The following CORO2B variants were observed in gnomAD, a reference collection of about 807,000 sequenced individuals.
The protein encoded by CORO2B is coronin-2B.
CORO2B carries 26 observed loss-of-function variants against 58.8 expected under a neutral mutation model. The observed-to-expected ratio is 0.44, with a 90% CI of 0.32 to 0.61. The LOEUF is 0.61. Among genes scored for constraint, CORO2B ranks in the 20% least tolerant of loss-of-function variants. The pLI is 0.04. For synonymous variants in CORO2B, 242 were observed against 253.8 expected, an observed-to-expected ratio of 0.95 and a Z score of 0.44; for missense variants, 460 against 645.1, an observed-to-expected ratio of 0.71 and a Z score of 3.11.
the CORO2B span, among the ~76,000 whole-genome samples, chr15:68,545,621 TA>T: frequency 1.1e-5 from 1 of 89,066 alleles, no homozygotes; most frequent in African/African-American, 4.3e-5. Context: ...GCGGGGGGGG[TA>T]ATACTGGGCG....
At chr15:68,712,542 G>A (rs1047150050) in intron 5 of CORO2B, among the ~76,000 whole-genome samples, 2 of 152,060 alleles carry the variant, frequency 1.3e-5, no homozygotes, top group Non-Finnish European at 2.9e-5. Flanking sequence ...TTCTGACATC[G>A]GAAACAATCC....
intron 3 of CORO2B, 79 bp downstream of exon 3, chr15:68,695,335 C>T: frequency 1.0e-6 from 1 of 998,040 alleles, no homozygotes; most frequent in Non-Finnish European, 1.6e-6. Flanking sequence ...TTCCTACCCT[C>T]CCCTCCTCCA....
chr15:68,650,406 A>G (rs111560501), intron 2 of CORO2B, among the ~76,000 whole-genome samples: 2 of 129,968 alleles, frequency 1.5e-5, no homozygotes, highest in African/African-American at 3.1e-5. Context: ...AAAAAAAAAA[A>G]TGGAGACATT....
intron 1 of CORO2B, among the ~76,000 whole-genome samples, chr15:68,587,979 C>A (rs1899609491): frequency 6.6e-6 from 1 of 152,218 alleles, no homozygotes; most frequent in Non-Finnish European, 1.5e-5. Context: ...ACTGTGTGAC[C>A]TTGGGCTAGT....
the CORO2B span, among the ~76,000 whole-genome samples, chr15:68,528,760 G>A: frequency 6.7e-6 from 1 of 150,322 alleles, no homozygotes; most frequent in African/African-American, 2.5e-5. Context: ...AGTTCATCTG[G>A]GTCTGGACTA....
At chr15:68,621,238 A>G (rs1333452756) in intron 1 of CORO2B, among the ~76,000 whole-genome samples, 1 of 152,200 alleles carries the variant, frequency 6.6e-6, no homozygotes, top group Non-Finnish European at 1.5e-5. Context: ...GAATGGAGGC[A>G]CAGACAAATC....
chr15:68,689,217 G>T (rs537856458), intron 2 of CORO2B, among the ~76,000 whole-genome samples: 2 of 151,906 alleles, frequency 1.3e-5, no homozygotes, highest in South Asian at 4.2e-4. Flanking sequence ...CAAAGAATAG[G>T]TCTCTTCCTC....
intron 5 of CORO2B, among the ~76,000 whole-genome samples, chr15:68,712,588 A>G (rs1267581710): frequency 1.3e-5 from 2 of 152,202 alleles, no homozygotes; most frequent in Non-Finnish European, 2.9e-5. Context: ...AGCACTTCAG[A>G]TAAGGGCTAC....
intron 1 of CORO2B, among the ~76,000 whole-genome samples, chr15:68,580,832 G>A (rs1479897670): frequency 6.6e-6 from 1 of 152,136 alleles, no homozygotes; most frequent in Non-Finnish European, 1.5e-5. Context: ...CCTCCCCTGT[G>A]TCTCTTTTTG....
chr15:68,589,657 T>C (rs1354636960), intron 1 of CORO2B, among the ~76,000 whole-genome samples: 2 of 152,248 alleles, frequency 1.3e-5, no homozygotes, highest in Admixed American at 1.3e-4. Flanking sequence ...TGTGGGTTTT[T>C]TTCTAGGCTT....
chr15:68,561,287 C>T, the CORO2B span, among the ~76,000 whole-genome samples: 1 of 152,152 alleles, frequency 6.6e-6, no homozygotes, highest in Non-Finnish European at 1.5e-5. Context: ...CCCAGCTCCT[C>T]CCAGGCACGG....
rs1039154910 is a variant in CORO2B at position 68,579,182 on chromosome 15, C to G, written c.-81C>G. The G allele has an allele frequency of 4.1e-6, 4 of 985,056 alleles. No homozygotes were observed. In the African/African-American group the frequency reaches 7.1e-5, roughly 17 times the overall value. The allele number at this position is 985,056 out of a possible 1,614,324, so 61.0% of individuals were successfully genotyped here. A position where few individuals can be genotyped will look rare whatever the true frequency, so the allele number is the denominator to read the frequency against. ...GGGAGCGAGCCGGGAGCTGCCGGAC[C>G]CCCTTCCGCCGCCGCCCCGGGCCGC... On this transcript the variant is annotated 5_prime_UTR_variant, in exon 1 of 12. Coordinates refer to ENST00000261861, the MANE Select transcript of CORO2B (RefSeq NM_006091.5).
At chr15:68,558,983 T>C in the CORO2B span, among the ~76,000 whole-genome samples, 1 of 152,016 alleles carries the variant, frequency 6.6e-6, no homozygotes, top group Non-Finnish European at 1.5e-5. Flanking sequence ...AATGAGCGTG[T>C]CTGTCTTTCC....
the CORO2B span, among the ~76,000 whole-genome samples, chr15:68,543,833 G>A: frequency 7.2e-5 from 11 of 152,038 alleles, no homozygotes; most frequent in East Asian, 3.9e-4. Context: ...CGCACACTGC[G>A]GTGACTGCCA....
At chr15:68,702,706 C>A (rs1436752429) in intron 3 of CORO2B, among the ~76,000 whole-genome samples, 1 of 151,988 alleles carries the variant, frequency 6.6e-6, no homozygotes, top group Non-Finnish European at 1.5e-5. Flanking sequence ...TGGACCCAGG[C>A]ACCATCTCTG....
chr15:68,604,328 C>T lies in CORO2B; in HGVS notation c.15+25051C>T, dbSNP rs1310740296. On this transcript the variant is annotated intron_variant, in intron 1 of 11. Coordinates refer to ENST00000261861, the MANE Select transcript of CORO2B (RefSeq NM_006091.5). ...TTCCATTCTTCATGGTCAGCCCCCA[C>T]CCCCAAACCGCCTTTCCTACCACGA... Among the ~76,000 whole-genome samples the T allele has an allele frequency of 2.6e-5, 4 of 152,084 alleles. No homozygotes were observed. The East Asian group carries it at 7.7e-4, about 29-fold the overall frequency.
the CORO2B span, among the ~76,000 whole-genome samples, chr15:68,531,757 G>C: frequency 1.3e-5 from 2 of 151,298 alleles, no homozygotes; most frequent in East Asian, 3.9e-4. Flanking sequence ...GCTCTCTATT[G>C]TTTTAAGTAA....
At chr15:68,570,988 C>T in the CORO2B span, among the ~76,000 whole-genome samples, 636 of 152,068 alleles carry the variant, frequency 4.2e-3, 5 homozygotes, top group African/African-American at 0.015. Flanking sequence ...TGGCACAAAG[C>T]ACTTAATCAG....
chr15:68,632,175 GCCC>G (rs1429365940), intron 1 of CORO2B: 1 of 985,436 alleles, frequency 1.0e-6, no homozygotes, highest in African/African-American at 1.7e-5. Context: ...TGCACCCGTG[GCCC>G]CCATGTGGCA....
Sources: allele counts gnomAD v4.1 joint callset (sites outside exome capture counted in the v4.1 genomes callset), GRCh38; gene constraint gnomAD v4.1.1; transcripts MANE v1.5; gene names NCBI Gene and HGNC (gene_info 2026-07-23, HGNC 2026-07-21).